HERC4: variants seen among roughly 807,000 people sequenced by gnomAD.
The protein encoded by HERC4 is HECT and RLD domain containing E3 ubiquitin protein ligase 4, also known as probable E3 ubiquitin-protein ligase HERC4.
HERC4 carries 28 observed loss-of-function variants against 124.3 expected under a neutral mutation model. The observed-to-expected ratio is 0.23, with a 90% CI of 0.17 to 0.31. HERC4 has a LOEUF of 0.31. Among genes scored for constraint, HERC4 ranks in the 10% least tolerant of loss-of-function variants. HERC4 has a pLI of 1.00. For synonymous variants in HERC4, 407 were observed against 421.5 expected, an observed-to-expected ratio of 0.97 and a Z score of 0.42; for missense variants, 713 against 1,229.3, an observed-to-expected ratio of 0.58 and a Z score of 6.28.
chr10:67,978,472 G>A (rs1339294225), intron 15 of HERC4, among the ~76,000 whole-genome samples: 3 of 152,214 alleles, frequency 2.0e-5, no homozygotes, highest in Non-Finnish European at 4.4e-5. Context: ...CCAGGTAGAC[G>A]TCTAAGGTTT....
Position 67,924,567 on chromosome 10 carries a change from G to GT in HERC4, c.2941+517dup, listed in dbSNP as rs1197191220. Among the ~76,000 whole-genome samples the GT allele has an allele frequency of 7.2e-5, 11 of 152,264 alleles. No homozygotes were observed. The East Asian group carries it at 1.7e-3, about 24-fold the overall frequency. On this transcript the variant is annotated intron_variant, in intron 24 of 24. Transcript: ENST00000373700. ...ATTATAATCTTACAGGACCACTATCGTATATATGGTCTGTCATTCACTGAA... is the reference window on the plus strand; with the variant it reads ...ATTATAATCTTACAGGACCACTATCGTTATATATGGTCTGTCATTCACTGAA...
intron 23 of HERC4, among the ~76,000 whole-genome samples, chr10:67,928,468 A>C (rs572899202): frequency 6.6e-6 from 1 of 152,236 alleles, no homozygotes; most frequent in Non-Finnish European, 1.5e-5. Context: ...CCTCTCTCCC[A>C]AGCTGTCTTT....
At chr10:67,950,687 T>C (rs1025203057) in intron 19 of HERC4, among the ~76,000 whole-genome samples, 5 of 152,228 alleles carry the variant, frequency 3.3e-5, no homozygotes, top group Non-Finnish European at 5.9e-5. Flanking sequence ...GTAAATTCTT[T>C]GGTGTTTGGA....
At chr10:68,001,894 T>C (rs972968962) in intron 9 of HERC4, among the ~76,000 whole-genome samples, 31 of 152,188 alleles carry the variant, frequency 2.0e-4, no homozygotes, top group Admixed American at 5.2e-4. Context: ...TTCATTACTT[T>C]CTATGGCTGA....
intron 5 of HERC4, among the ~76,000 whole-genome samples, chr10:68,037,693 CACA>C (rs1470740083): frequency 5.3e-5 from 8 of 152,154 alleles, no homozygotes; most frequent in Non-Finnish European, 8.8e-5. Flanking sequence ...TGACACCATT[CACA>C]ACAACAAAAA....
At chr10:67,928,412 A>AGCTG (rs1350330157) in intron 23 of HERC4, among the ~76,000 whole-genome samples, 2 of 152,318 alleles carry the variant, frequency 1.3e-5, no homozygotes, top group East Asian at 3.9e-4. Flanking sequence ...CCTGGCTACC[A>AGCTG]GCTGTGTAGC....
intron 15 of HERC4, among the ~76,000 whole-genome samples, chr10:67,973,214 G>C (rs1291603367): frequency 6.6e-6 from 1 of 152,098 alleles, no homozygotes; most frequent in East Asian, 1.9e-4. Flanking sequence ...AAAAAAAAAG[G>C]TTTGAAGGAG....
chr10:68,031,493 T>C (rs1263102234), intron 7 of HERC4, among the ~76,000 whole-genome samples: 1 of 151,884 alleles, frequency 6.6e-6, no homozygotes, highest in African/African-American at 2.4e-5. Context: ...GCAAAATTAA[T>C]TGCAGTTTTT....
intron 3 of HERC4, among the ~76,000 whole-genome samples, chr10:68,058,245 T>A (rs1228975902): frequency 2.6e-5 from 4 of 152,138 alleles, no homozygotes. Context: ...AGTCTTTGAA[T>A]AAGAGCTCTA....
chr10:67,928,018 C>G (rs145283061), intron 23 of HERC4, among the ~76,000 whole-genome samples: 3 of 152,204 alleles, frequency 2.0e-5, no homozygotes, highest in East Asian at 3.9e-4. Flanking sequence ...CAGGGAAGGT[C>G]TCTGAGAAGG....
chr10:68,069,809 A>T lies in HERC4; in HGVS notation c.226+3074T>A, dbSNP rs920438329. The T allele has an allele frequency of 9.2e-6, 8 of 871,860 alleles. No homozygotes were observed. In the African/African-American group the frequency reaches 1.5e-4, roughly 16 times the overall value. 54.0% of individuals were successfully genotyped at this position (871,860 alleles called of 1,614,324 possible). Reference sequence around the variant, plus strand: ...TGTAATCCCAGCACTCTGGGAGGCCAAGGCGGGCAGATCACAAGGTCAGGA... The same window carrying T: ...TGTAATCCCAGCACTCTGGGAGGCCTAGGCGGGCAGATCACAAGGTCAGGA... On this transcript the variant is annotated intron_variant, in intron 3 of 24. Coordinates refer to ENST00000373700, the MANE Select transcript of HERC4 (RefSeq NM_015601.4).
At chr10:67,927,164 C>A (rs55699934) in intron 23 of HERC4, among the ~76,000 whole-genome samples, 14,483 of 151,728 alleles carry the variant, frequency 0.095, 1,898 homozygotes, top group African/African-American at 0.3. Flanking sequence ...GGAATTTATT[C>A]AACTGTTTGA....
Position 67,926,351 on chromosome 10 carries a change from T to C in HERC4, c.2839-1164A>G, listed in dbSNP as rs532209166. Among the ~76,000 whole-genome samples, 3 of 151,434 alleles carry C rather than the reference T, an allele frequency of 2.0e-5. No individual in the cohort carries two copies. The South Asian group carries it at 6.2e-4, about 31-fold the overall frequency. On this transcript the variant is annotated intron_variant, in intron 23 of 24. Transcript: ENST00000373700. ...GACGGAGGTTGTAGTGAGCCAAGAC[T>C]GTGCCATTGCACTCCAGCCTGGTCA...
intron 19 of HERC4, among the ~76,000 whole-genome samples, chr10:67,953,082 C>A (rs926714932): frequency 6.6e-6 from 1 of 151,824 alleles, no homozygotes; most frequent in African/African-American, 2.4e-5. Context: ...AGGAGGATAG[C>A]CCATACATTT....
intron 21 of HERC4, among the ~76,000 whole-genome samples, chr10:67,938,071 T>A (rs2032525601): frequency 6.6e-6 from 1 of 152,102 alleles, no homozygotes; most frequent in African/African-American, 2.4e-5. Context: ...GCATCTTTTG[T>A]CAGCTTTGAC....
At chr10:67,938,552 C>T (rs941310410) in intron 21 of HERC4, among the ~76,000 whole-genome samples, 6 of 151,996 alleles carry the variant, frequency 3.9e-5, no homozygotes, top group African/African-American at 1.2e-4. Flanking sequence ...AGTGCCTTAC[C>T]GTAATACTTA....
chr10:67,992,805 T>C (rs1218562994), intron 9 of HERC4, 123 bp from the exon 10 acceptor site: 2 of 595,550 alleles, frequency 3.4e-6, no homozygotes, highest in African/African-American at 1.9e-5. Context: ...ATGGACTTCA[T>C]GGTATAAAGT....
Position 67,932,572 on chromosome 10 carries a change from A to G in HERC4, c.2838+25T>C, listed in dbSNP as rs199702213. 1.2e-4 allele frequency: 196 copies of G among 1,571,094 alleles called. 2 individuals carry two copies. The East Asian group carries it at 3.5e-3, about 28-fold the overall frequency. Reference sequence around the variant, plus strand: ...CATATATAAATCTTTCCATTTAACAATATCAGAGATTAGTTTTCCCCTACC... The same window carrying G: ...CATATATAAATCTTTCCATTTAACAGTATCAGAGATTAGTTTTCCCCTACC... On this transcript the variant is annotated intron_variant, in intron 23 of 24. Coordinates refer to ENST00000373700, the MANE Select transcript of HERC4 (RefSeq NM_015601.4).
At position 67,942,195 on chromosome 10, in the gene HERC4, A is replaced by G. The variant is rs768073843; in HGVS notation, c.2338-1090T>C. Among the ~76,000 whole-genome samples, 22 of 152,354 alleles carry G rather than the reference A, an allele frequency of 1.4e-4. No homozygotes were observed. In the South Asian group the frequency reaches 2.1e-3, roughly 14 times the overall value. On this transcript the variant is annotated intron_variant, in intron 19 of 24. Coordinates refer to ENST00000373700, the MANE Select transcript of HERC4 (RefSeq NM_015601.4). ...TAAGACGTGGGCTCCAGCCTGGTTTAGCAGTCTAGCCTCTGTGTTTTCAAA... is the reference window on the plus strand; with the variant it reads ...TAAGACGTGGGCTCCAGCCTGGTTTGGCAGTCTAGCCTCTGTGTTTTCAAA...
Sources: gnomAD v4.1 joint callset for allele counts (sites outside exome capture counted in the v4.1 genomes callset) on GRCh38, gnomAD v4.1.1 for gene constraint, MANE v1.5 for transcripts, NCBI Gene and HGNC (gene_info 2026-07-23, HGNC 2026-07-21) for gene names.